The following ARHGEF18 variants were observed in gnomAD, a reference collection of about 807,000 sequenced individuals.
ARHGEF18 encodes the protein rho guanine nucleotide exchange factor 18.
A neutral mutation model predicts 155.7 loss-of-function variants in ARHGEF18; 93 were observed. The ratio of observed to expected loss-of-function variants is 0.60; its 90% CI spans 0.50 to 0.71. The LOEUF (loss-of-function observed/expected upper bound fraction) is 0.71, where lower values mean the gene tolerates loss of function less well. Ranked by LOEUF, ARHGEF18 falls within the 30% of genes least tolerant of loss-of-function variation. The probability of loss-of-function intolerance (pLI) is 0.00; values close to 1 mark genes in which losing one functional copy is unlikely to be tolerated. For synonymous variants in ARHGEF18, 742 were observed against 753.1 expected, an observed-to-expected ratio of 0.99 and a Z score of 0.24; for missense variants, 1,593 against 1,816.1, an observed-to-expected ratio of 0.88 and a Z score of 2.23.
rs1208823591 is a variant in ARHGEF18, at chr19:7,470,101, A to G, written c.3914-25A>G. On this transcript the variant is annotated intron_variant, in intron 28 of 28. Transcript: ENST00000668164. This position sits in a 1 kb window ranked among gnomAD's most constrained non-coding sequence, Gnocchi z 5.9. ...CTGCGGCACCACCCGGCGACTGCTC[A>G]GTCTGAACCCTCTCTCTGTTCCAGA... 1 of 1,611,634 alleles carries G rather than the reference A, an allele frequency of 6.2e-7. No homozygotes were observed. Among genetic ancestry groups the G allele is most frequent in the African/African-American group, 1.3e-5 (1 of 74,824 alleles).
rs555203817 is a variant in ARHGEF18 at position 7,395,953 on chromosome 19, C to G, written c.967+12750C>G. Among the ~76,000 whole-genome samples the G allele has an allele frequency of 0.011, 1,737 of 152,204 alleles. 136 individuals carry two copies. The East Asian group carries it at 0.18, about 16-fold the overall frequency. On this transcript the variant is annotated intron_variant, in intron 10 of 28. Coordinates refer to ENST00000668164, the MANE Select transcript of ARHGEF18 (RefSeq NM_001367823.1). This position sits in a 1 kb window ranked among gnomAD's most constrained non-coding sequence, Gnocchi z 5.0. The stretch of plus-strand genomic sequence containing the variant: ...TGTGACTGATCTCGTCACCCAGGTA[C>G]TGAGCATAGTACTCAATAGATAGTT...
intron 10 of ARHGEF18, among the ~76,000 whole-genome samples, chr19:7,396,026 T>C (rs1971687395): frequency 1.3e-5 from 2 of 152,060 alleles, no homozygotes. Flanking sequence ...AGAGCCCAGT[T>C]TCTGTTGTCT....
intron 10 of ARHGEF18, among the ~76,000 whole-genome samples, chr19:7,403,571 A>C (rs1972135244): frequency 8.0e-6 from 1 of 124,750 alleles, no homozygotes; most frequent in African/African-American, 3.0e-5. Flanking sequence ...TTTTTTTGAG[A>C]CGGTCTTGCT....
rs1044037309 is a variant in ARHGEF18 at position 7,381,003 on chromosome 19, A to C, written c.722+9A>C. Reference sequence around the variant, plus strand: ...TTTGAATTCCTGTCGGAGTAAGTACACAGATCTGCTTCTGGGGAGGGCAGC... The same window carrying C: ...TTTGAATTCCTGTCGGAGTAAGTACCCAGATCTGCTTCTGGGGAGGGCAGC... On this transcript the variant is annotated intron_variant, in intron 8 of 28. Transcript: ENST00000668164. 1 of 1,232,098 alleles carries C rather than the reference A, an allele frequency of 8.1e-7. No individual in the cohort carries two copies. Among genetic ancestry groups the C allele is most frequent in the Non-Finnish European group, 1.0e-6 (1 of 987,966 alleles). 76.3% of individuals were successfully genotyped at this position (1,232,098 alleles called of 1,614,324 possible). A position where few individuals can be genotyped will look rare whatever the true frequency, so the allele number is the denominator to read the frequency against.
rs57372960 is a variant in ARHGEF18, at chr19:7,397,501, G to A, written c.967+14298G>A. On this transcript the variant is annotated intron_variant, in intron 10 of 28. Transcript: ENST00000668164. Reference sequence around the variant, plus strand: ...AATCCCAGCACTTTGGGAGGCCCGGGGGGGGGCAGATCACGAGGTCAGGAG... The same window carrying A: ...AATCCCAGCACTTTGGGAGGCCCGGAGGGGGGCAGATCACGAGGTCAGGAG... 7.5e-3 allele frequency among the ~76,000 whole-genome samples: 1,128 copies of A among 149,492 alleles called. 16 individuals carry two copies. The highest frequency in any genetic ancestry group is 0.026 in the African/African-American group (1,024 of 39,050).
At chr19:7,396,667 AT>A (rs1206567977) in intron 10 of ARHGEF18, among the ~76,000 whole-genome samples, 1 of 151,558 alleles carries the variant, frequency 6.6e-6, no homozygotes, top group African/African-American at 2.4e-5. Flanking sequence ...GTGAGCCGCG[AT>A]CGGGCCACTG....
At chr19:7,459,823 T>C in intron 19 of ARHGEF18, 80 bp from the exon 20 acceptor site, 1 of 1,205,242 alleles carries the variant, frequency 8.3e-7, no homozygotes, top group Non-Finnish European at 1.2e-6. Context: ...TCGTGGCGGC[T>C]GGTTCTGCAG....
Position 7,376,725 on chromosome 19 carries a change from C to G in ARHGEF18, c.509C>G (p.Pro170Arg). Residue 170 changes from proline to arginine, a missense_variant, in exon 5 of 29, where the codon CCG (proline) becomes CGG (arginine). Coordinates refer to ENST00000668164, the MANE Select transcript of ARHGEF18 (RefSeq NM_001367823.1). ...FYEIRSPEIS[P>R]GLEVPTPPVQ... ...GAGATCCGCTCTCCGGAAATCTCTCCGGGTTTGGAAGTGCCCACTCCACCT... is the reference window on the plus strand; with the variant it reads ...GAGATCCGCTCTCCGGAAATCTCTCGGGGTTTGGAAGTGCCCACTCCACCT... 2 of 1,234,436 alleles carry G rather than the reference C, an allele frequency of 1.6e-6. No homozygotes were observed. The highest frequency in any genetic ancestry group is 2.0e-6 in the Non-Finnish European group (2 of 988,234). 76.5% of individuals were successfully genotyped at this position (1,234,436 alleles called of 1,614,324 possible).
At chr19:7,377,124 G>A (rs560960166) in intron 5 of ARHGEF18, among the ~76,000 whole-genome samples, 2 of 151,610 alleles carry the variant, frequency 1.3e-5, no homozygotes, top group South Asian at 2.1e-4. Flanking sequence ...AGGCTGCAGT[G>A]CAGTGGTGCA....
intron 10 of ARHGEF18, among the ~76,000 whole-genome samples, chr19:7,386,002 CTCTT>C (rs1971050552): frequency 7.5e-6 from 1 of 133,682 alleles, no homozygotes; most frequent in African/African-American, 2.9e-5. Context: ...CTCTCCCTCT[CTCTT>C]TCTCTCTCTC....
rs915764322 is a variant in ARHGEF18, at chr19:7,417,833, G to A, written c.968-22511G>A. Among the ~76,000 whole-genome samples, 3 of 152,344 alleles carry A rather than the reference G, an allele frequency of 2.0e-5. No individual in the cohort carries two copies. In the South Asian group the frequency reaches 6.2e-4, roughly 32 times the overall value. Reference sequence around the variant, plus strand: ...GGCCCAGGAGAGTGGGAGAGTGAAGGCTGGTGGTAGCTGGTGAGGAGATAG... The same window carrying A: ...GGCCCAGGAGAGTGGGAGAGTGAAGACTGGTGGTAGCTGGTGAGGAGATAG... On this transcript the variant is annotated intron_variant, in intron 10 of 28. Transcript: ENST00000668164.
At chr19:7,477,439 G>T (rs760670889), downstream of ARHGEF18, 215 of 1,432,272 alleles carry the variant, frequency 1.5e-4, no homozygotes, top group Non-Finnish European at 1.9e-4. Context: ...GCAGCGGGCT[G>T]TGGGGCAGAG....
intron 26 of ARHGEF18, 105 bp downstream of exon 26, chr19:7,467,789 G>A: frequency 8.6e-7 from 1 of 1,156,914 alleles, no homozygotes; most frequent in Non-Finnish European, 1.1e-6. Context: ...ATGCGTGCAG[G>A]AGTGTAAGAG....
intron 1 of ARHGEF18, among the ~76,000 whole-genome samples, chr19:7,355,196 C>G (rs1310056627): frequency 6.6e-6 from 1 of 152,010 alleles, no homozygotes; most frequent in East Asian, 1.9e-4. Flanking sequence ...AGAACTCACC[C>G]TGAAACACAG....
chr19:7,458,864 A>G (rs1169960318), intron 19 of ARHGEF18, among the ~76,000 whole-genome samples, 174 bp downstream of exon 19: 1 of 152,192 alleles, frequency 6.6e-6, no homozygotes, highest in East Asian at 1.9e-4. Flanking sequence ...GTTGAGGCCA[A>G]CGGGCCCAGA....
chr19:7,382,850 A>G lies in ARHGEF18; in HGVS notation c.781A>G (p.Arg261Gly). Residue 261 changes from arginine to glycine, a missense_variant, in exon 9 of 29, where the codon AGG (arginine) becomes GGG (glycine). Coordinates refer to ENST00000668164, the MANE Select transcript of ARHGEF18 (RefSeq NM_001367823.1). ...TGACAAGAGTACCAGTGTGAAGCGC[A>G]GGCTGAGCTGCCTCCGCAGTCGAGT... is the stretch of plus-strand genomic sequence containing the variant. ...KSDKSTSVKRRLSCLRSRVTR... is the reference protein window; with the variant it reads ...KSDKSTSVKRGLSCLRSRVTR... 8.1e-7 allele frequency: 1 copy of G among 1,232,614 alleles called. No homozygotes were observed. The highest frequency in any genetic ancestry group is 1.0e-6 in the Non-Finnish European group (1 of 988,092). 76.4% of individuals were successfully genotyped at this position (1,232,614 alleles called of 1,614,324 possible). A position where few individuals can be genotyped will look rare whatever the true frequency, so the allele number is the denominator to read the frequency against.
chr19:7,399,609 T>C (rs1971924298), intron 10 of ARHGEF18, among the ~76,000 whole-genome samples: 1 of 151,580 alleles, frequency 6.6e-6, no homozygotes, highest in Non-Finnish European at 1.5e-5. Flanking sequence ...GCCTACCGAG[T>C]AGCTGGGACT....
intron 3 of ARHGEF18, among the ~76,000 whole-genome samples, chr19:7,374,496 G>A (rs1970343746): frequency 6.6e-6 from 1 of 151,842 alleles, no homozygotes; most frequent in Non-Finnish European, 1.5e-5. Context: ...TGGTCAACAT[G>A]GCAAAACCCC....
rs1449099909 is a variant in ARHGEF18 at position 7,467,102 on chromosome 19, T to A, written c.2993T>A (p.Leu998Gln). Reference sequence around the variant, plus strand: ...CAGCGGATCCAGACACTGTCCCAGCTGCTCCTGAACCTTCAGGTACAGGGG... The same window carrying A: ...CAGCGGATCCAGACACTGTCCCAGCAGCTCCTGAACCTTCAGGTACAGGGG... ...LVQRIQTLSQ[L>Q]LLNLQAVIAH... is the part of the protein sequence containing the mutation. Residue 998 changes from leucine to glutamine, a missense_variant, in exon 25 of 29, where the codon CTG becomes CAG. By Grantham distance (113) the Leu-to-Gln change is moderately radical. Transcript: ENST00000668164. 26 of 1,604,146 alleles carry A rather than the reference T, an allele frequency of 1.6e-5. No individual in the cohort carries two copies. The highest frequency in any genetic ancestry group is 2.2e-5 in the Non-Finnish European group (26 of 1,172,962).
Sources: allele counts gnomAD v4.1 joint callset (sites outside exome capture counted in the v4.1 genomes callset), GRCh38; gene constraint gnomAD v4.1.1; non-coding constraint Gnocchi (gnomAD v3.1); transcripts MANE v1.5; gene names NCBI Gene and HGNC (gene_info 2026-07-23, HGNC 2026-07-21).